Variants in DAPK3 observed in about 807,000 individuals in gnomAD.
DAPK3 encodes death associated protein kinase 3, also known as death-associated protein kinase 3.
In DAPK3, 24 loss-of-function variants were observed where a neutral mutation model predicts 30.6. The ratio of observed to expected loss-of-function variants is 0.78; its 90% CI spans 0.57 to 1.10. The LOEUF (loss-of-function observed/expected upper bound fraction) is 1.10, where lower values mean the gene tolerates loss of function less well. DAPK3 is among the 50% of genes least tolerant of loss of function. DAPK3 has a pLI of 0.00. For synonymous variants in DAPK3, 341 were observed against 284.0 expected (o/e 1.20, Z -2.02); for missense variants, 629 against 657.3 (o/e 0.96, Z 0.47).
intron 2 of DAPK3, among the ~76,000 whole-genome samples, chr19:3,965,840 TC>T (rs1290526431): frequency 3.9e-5 from 6 of 152,068 alleles, no homozygotes; most frequent in Admixed American, 1.3e-4. Flanking sequence ...AATTTTTTTT[TC>T]TTTTTGTAAG....
chr19:3,969,543 C>T, intron 2 of DAPK3, 131 bp downstream of exon 2: 1 of 570,434 alleles, frequency 1.8e-6, no homozygotes, highest in East Asian at 3.2e-5. Context: ...TTCGTTCCCC[C>T]ACCGCATGAT....
At chr19:3,960,581 C>A (rs1043999708) in intron 7 of DAPK3, among the ~76,000 whole-genome samples, 1 of 152,086 alleles carries the variant, frequency 6.6e-6, no homozygotes, top group Non-Finnish European at 1.5e-5. Context: ...GAGTTCAAGA[C>A]AAGCCTGGGC....
In DAPK3 at chr19:3,958,889, CGTGGAGGCTGT is replaced by C; in HGVS notation, c.*201_*211del. 1.7e-6 allele frequency: 1 copy of C among 583,804 alleles called. No individual in the cohort carries two copies. Among genetic ancestry groups the C allele is most frequent in the Admixed American group, 3.1e-5 (1 of 32,224 alleles). The allele number at this position is 583,804 out of a possible 1,614,324, so 36.2% of individuals were successfully genotyped here. A position where few individuals can be genotyped will look rare whatever the true frequency, so the allele number is the denominator to read the frequency against. On this transcript the variant is annotated 3_prime_UTR_variant, in exon 9 of 9. Coordinates refer to ENST00000545797, the MANE Select transcript of DAPK3 (RefSeq NM_001348.3). The stretch of plus-strand genomic sequence containing the variant: ...ATGCAGGGGTGAAGGTGAAGGCCAG[CGTGGAGGCTGT>C]GTAGAGAAGCAGCCCCGTCCCACAC...
intron 6 of DAPK3, 35 bp from the exon 7 acceptor site, chr19:3,961,196 G>A: frequency 6.3e-7 from 1 of 1,585,408 alleles, no homozygotes; most frequent in Non-Finnish European, 8.6e-7. Flanking sequence ...GTGGGGTCCT[G>A]GGCTCCCACC....
At chr19:3,960,920 C>T in intron 7 of DAPK3, 89 bp downstream of exon 7, 5 of 1,385,412 alleles carry the variant, frequency 3.6e-6, no homozygotes, top group South Asian at 2.5e-5. Context: ...AGGGAGGTGG[C>T]GCTGGGAGGA....
chr19:3,959,149 G>T lies in DAPK3; in HGVS notation c.1317C>A (p.Arg439=). ...SEMRFVQDLV[R]ALEQEKLQGV... ...CCTGCAGCTTCTCCTGCTCCAGGGC[G>T]CGCACGAGGTCCTGCACGAAGCGCA... The change falls in exon 9 of 9, where the codon CGC becomes CGA. Residue 439 remains arginine, a synonymous_variant. Coordinates refer to ENST00000545797, the MANE Select transcript of DAPK3 (RefSeq NM_001348.3). 2 of 1,585,130 alleles carry T rather than the reference G, an allele frequency of 1.3e-6. No homozygotes were observed. Among genetic ancestry groups the T allele is most frequent in the Non-Finnish European group, 1.7e-6 (2 of 1,170,264 alleles).
Position 3,964,724 on chromosome 19 carries a change from C to A in DAPK3, c.330G>T (p.Ser110=). The A allele has an allele frequency of 6.2e-7, 1 of 1,612,822 alleles. No individual in the cohort carries two copies. Among genetic ancestry groups the A allele is most frequent in the Non-Finnish European group, 8.5e-7 (1 of 1,179,504 alleles). Residue 110 remains serine, a synonymous_variant, in exon 3 of 9, where the codon TCG becomes TCT. Coordinates refer to ENST00000545797, the MANE Select transcript of DAPK3 (RefSeq NM_001348.3). ...ELFDFLAEKE[S]LTEDEATQFL... ...ACTGGGTGGCCTCGTCCTCCGTCAG[C>A]GACTCCTTCTCCGCCAGGAAGTCAA...
At chr19:3,968,593 G>A (rs1047534780) in intron 2 of DAPK3, among the ~76,000 whole-genome samples, 5 of 152,118 alleles carry the variant, frequency 3.3e-5, no homozygotes, top group African/African-American at 9.7e-5. Context: ...TGAAATCGGC[G>A]AGTTAAAAGA....
chr19:3,961,358 C>G (rs572360930), intron 6 of DAPK3, 197 bp from the exon 7 acceptor site: 48 of 725,960 alleles, frequency 6.6e-5, no homozygotes, highest in East Asian at 5.4e-5. Context: ...ATCCACCCCC[C>G]CACCCCGCCA....
In DAPK3 at chr19:3,963,068, G is replaced by A. The variant is rs567443826; in HGVS notation, c.629+575C>T. Among the ~76,000 whole-genome samples, 13 of 151,206 alleles carry A rather than the reference G, an allele frequency of 8.6e-5. No homozygotes were observed. The South Asian group carries it at 2.7e-3, about 32-fold the overall frequency. ...AGTGAGCAGCTGAGATCGCACCACTGCACTCCAACCTGGACAACAAGAGCA... is the reference window on the plus strand; with the variant it reads ...AGTGAGCAGCTGAGATCGCACCACTACACTCCAACCTGGACAACAAGAGCA... On this transcript the variant is annotated intron_variant, in intron 6 of 8. Coordinates refer to ENST00000545797, the MANE Select transcript of DAPK3 (RefSeq NM_001348.3).
intron 7 of DAPK3, among the ~76,000 whole-genome samples, 199 bp downstream of exon 7, chr19:3,960,810 A>AG (rs1220137159): frequency 6.6e-6 from 1 of 150,770 alleles, no homozygotes; most frequent in Non-Finnish European, 1.5e-5. Context: ...TCTCAAAAAA[A>AG]AAAAAAAAAA....
At chr19:3,968,476 G>GA (rs775914474) in intron 2 of DAPK3, among the ~76,000 whole-genome samples, 84 of 139,714 alleles carry the variant, frequency 6.0e-4, no homozygotes, top group East Asian at 6.2e-4. Flanking sequence ...TAGTGTCAAG[G>GA]AAAAAAAAAA....
At chr19:3,964,204 C>T (rs1177297815) in intron 4 of DAPK3, 40 bp downstream of exon 4, 1 of 1,555,098 alleles carries the variant, frequency 6.4e-7, no homozygotes. Flanking sequence ...CCCCAGACCA[C>T]CCTCCCCAGG....
intron 6 of DAPK3, chr19:3,961,602 TG>T (rs1041129967): frequency 1.3e-5 from 6 of 453,926 alleles, no homozygotes; most frequent in African/African-American, 1.0e-4. Flanking sequence ...GCATCATCCC[TG>T]GGGTTTTGAG....
At chr19:3,962,867 G>A (rs151290085) in intron 6 of DAPK3, among the ~76,000 whole-genome samples, 1,513 of 151,200 alleles carry the variant, frequency 0.01, 25 homozygotes, top group African/African-American at 0.035. Context: ...TTGGGAAGCC[G>A]AGGCAGGCAG....
intron 4 of DAPK3, 101 bp from the exon 5 acceptor site, chr19:3,964,020 C>T: frequency 2.3e-6 from 2 of 887,656 alleles, no homozygotes; most frequent in Non-Finnish European, 3.7e-6. Flanking sequence ...TGTCGCAGCC[C>T]TTGGGGGCAT....
At chr19:3,964,199 G>C (rs1269316755) in intron 4 of DAPK3, 45 bp downstream of exon 4, 1 of 1,543,046 alleles carries the variant, frequency 6.5e-7, no homozygotes, top group South Asian at 1.2e-5. Context: ...GGCAGCCCCA[G>C]ACCACCCTCC....
rs1326506714 is a variant in DAPK3, at chr19:3,970,006, G to A, written c.-94-177C>T. On this transcript the variant is annotated intron_variant, in intron 1 of 8. Coordinates refer to ENST00000545797, the MANE Select transcript of DAPK3 (RefSeq NM_001348.3). Reference sequence around the variant, plus strand: ...CTGGGTCCTGTCATGTCACCTCTTAGAGCCCCATAACCACTCAAAAGTTTG... The same window carrying A: ...CTGGGTCCTGTCATGTCACCTCTTAAAGCCCCATAACCACTCAAAAGTTTG... The A allele has an allele frequency of 5.9e-6, 3 of 506,402 alleles. No individual in the cohort carries two copies. The East Asian group carries it at 1.0e-4, about 17-fold the overall frequency. 31.4% of individuals were successfully genotyped at this position (506,402 alleles called of 1,614,324 possible). A position where few individuals can be genotyped will look rare whatever the true frequency, so the allele number is the denominator to read the frequency against.
rs1328680345 is a variant in DAPK3 at position 3,971,066 on chromosome 19, C to G, written c.-240G>C. 2 of 154,364 alleles carry G rather than the reference C, an allele frequency of 1.3e-5. No homozygotes were observed. The highest frequency in any genetic ancestry group is 1.9e-4 in the East Asian group (1 of 5,254). The allele number at this position is 154,364 out of a possible 1,614,324, so 9.6% of individuals were successfully genotyped here. ...ACGGCCGGCGCCGCCGCGCTGGCCA[C>G]CGCCGCCGCCTCCAGAAGCCCCGCG... On this transcript the variant is annotated 5_prime_UTR_variant, in exon 1 of 9. Transcript: ENST00000545797.
Sources: allele counts gnomAD v4.1 joint callset (sites outside exome capture counted in the v4.1 genomes callset), GRCh38; gene constraint gnomAD v4.1.1; transcripts MANE v1.5; gene names NCBI Gene and HGNC (gene_info 2026-07-23, HGNC 2026-07-21).